Variants in MCTP1 observed in about 807,000 individuals in gnomAD.
MCTP1 encodes multiple C2 and transmembrane domain containing 1, also known as multiple C2 and transmembrane domain-containing protein 1.
A neutral mutation model predicts 120.6 loss-of-function variants in MCTP1; 69 were observed. The ratio of observed to expected loss-of-function variants is 0.57; its 90% CI spans 0.47 to 0.70. The LOEUF is 0.70. Among genes scored for constraint, MCTP1 ranks in the 30% least tolerant of loss-of-function variants. The pLI is 0.00. For synonymous variants in MCTP1, 529 were observed against 493.1 expected (o/e 1.07, Z -0.96); for missense variants, 1,203 against 1,248.8 (o/e 0.96, Z 0.55).
chr5:94,963,495 G>C (rs1824844314), intron 2 of MCTP1, among the ~76,000 whole-genome samples: 1 of 146,796 alleles, frequency 6.8e-6, no homozygotes, highest in Non-Finnish European at 1.5e-5. Flanking sequence ...TTTAATAATA[G>C]CCACCCTAAC....
At chr5:94,889,853 C>T (rs1196712135) in intron 11 of MCTP1, among the ~76,000 whole-genome samples, 1 of 151,718 alleles carries the variant, frequency 6.6e-6, no homozygotes, top group East Asian at 1.9e-4. Flanking sequence ...CATTTAATCC[C>T]ATAAATAATT....
At chr5:95,153,900 T>C (rs1744806444) in intron 1 of MCTP1, among the ~76,000 whole-genome samples, 1 of 152,208 alleles carries the variant, frequency 6.6e-6, no homozygotes, top group African/African-American at 2.4e-5. Context: ...TTGAATGATC[T>C]GTGTTTGTCT....
At chr5:95,278,510 A>C (rs1198429974) in intron 1 of MCTP1, among the ~76,000 whole-genome samples, 1 of 152,302 alleles carries the variant, frequency 6.6e-6, no homozygotes, top group Admixed American at 6.5e-5. Context: ...CACATTAAAC[A>C]AACAAACAAA....
At chr5:94,726,868 T>G (rs1417838940) in intron 19 of MCTP1, among the ~76,000 whole-genome samples, 1 of 152,154 alleles carries the variant, frequency 6.6e-6, no homozygotes, top group Non-Finnish European at 1.5e-5. Context: ...GTACATTGTT[T>G]TAGATATTTA....
At chr5:94,884,294 G>T (rs1390163664) in intron 12 of MCTP1, among the ~76,000 whole-genome samples, 2 of 152,158 alleles carry the variant, frequency 1.3e-5, no homozygotes, top group Non-Finnish European at 2.9e-5. Context: ...CCAGATAAAT[G>T]GCTCAATTAA....
intron 2 of MCTP1, among the ~76,000 whole-genome samples, chr5:94,978,291 G>A (rs1480679737): frequency 6.6e-6 from 1 of 151,848 alleles, no homozygotes; most frequent in African/African-American, 2.4e-5. Flanking sequence ...AAACAATATG[G>A]AGATTTCTAA....
intron 1 of MCTP1, among the ~76,000 whole-genome samples, chr5:95,064,756 T>C (rs1216534333): frequency 1.3e-5 from 2 of 152,208 alleles, no homozygotes; most frequent in Non-Finnish European, 2.9e-5. Context: ...TTCCCTTTGA[T>C]GTAGAATTGA....
At chr5:95,138,233 A>AACCCC (rs1759597277) in intron 1 of MCTP1, among the ~76,000 whole-genome samples, 1 of 142,426 alleles carries the variant, frequency 7.0e-6, no homozygotes. Context: ...GTGAGATGCA[A>AACCCC]CCCCCCCCCG....
At chr5:94,821,006 G>A (rs1356202002) in intron 17 of MCTP1, among the ~76,000 whole-genome samples, 5 of 152,130 alleles carry the variant, frequency 3.3e-5, no homozygotes, top group Admixed American at 6.6e-5. Flanking sequence ...AACACTCCCA[G>A]CACTGTCAAA....
rs181833399 is a variant in MCTP1, at chr5:95,147,056, C to T, written c.721-129572G>A. On this transcript the variant is annotated intron_variant, in intron 1 of 22. Coordinates refer to ENST00000515393, the MANE Select transcript of MCTP1 (RefSeq NM_024717.7). Reference sequence around the variant, plus strand: ...ACTTGTTTTATGAATCTGGGTGCTACGATGTTGGGTGCTTATTTATTTTAT... The same window carrying T: ...ACTTGTTTTATGAATCTGGGTGCTATGATGTTGGGTGCTTATTTATTTTAT... Among the ~76,000 whole-genome samples the T allele has an allele frequency of 1.3e-3, 199 of 151,984 alleles. 1 individual carries two copies. The highest frequency in any genetic ancestry group is 4.3e-3 in the African/African-American group (177 of 41,474).
chr5:94,716,863 G>A (rs570903250), intron 19 of MCTP1, among the ~76,000 whole-genome samples: 1 of 151,910 alleles, frequency 6.6e-6, no homozygotes, highest in Admixed American at 6.6e-5. Context: ...AAGTTTGTTG[G>A]ACAAATAGGT....
chr5:94,717,057 A>G (rs1759651336), intron 19 of MCTP1, among the ~76,000 whole-genome samples: 1 of 152,164 alleles, frequency 6.6e-6, no homozygotes, highest in Non-Finnish European at 1.5e-5. Flanking sequence ...GTTATGTTAA[A>G]TCCTACCTAA....
chr5:95,090,529 A>C (rs1240453406), intron 1 of MCTP1, among the ~76,000 whole-genome samples: 1 of 152,186 alleles, frequency 6.6e-6, no homozygotes, highest in Non-Finnish European at 1.5e-5. Context: ...GCAGGTATGC[A>C]GTGCACAGAT....
intron 1 of MCTP1, among the ~76,000 whole-genome samples, chr5:95,086,181 A>C (rs1255436057): frequency 1.3e-5 from 2 of 152,188 alleles, no homozygotes; most frequent in African/African-American, 4.8e-5. Flanking sequence ...TTGCATATCT[A>C]AAGGGGAACT....
rs1554147609 is a variant in MCTP1, at chr5:94,947,555, A to AATATGTATAT, written c.982-5129_982-5128insATATACATAT. Among the ~76,000 whole-genome samples the AATATGTATAT allele has an allele frequency of 9.6e-4, 38 of 39,504 alleles. 2 individuals carry two copies. The highest frequency in any genetic ancestry group is 3.6e-3 in the Admixed American group (12 of 3,350). 25.9% of individuals were successfully genotyped at this position (39,504 alleles called of 152,430 possible). A position where few individuals can be genotyped will look rare whatever the true frequency, so the allele number is the denominator to read the frequency against. ...AAAATATTTTAGTGTTAGTTTACTA[A>AATATGTATAT]ATATATATATATATATATATATAGA... On this transcript the variant is annotated intron_variant, in intron 3 of 22. Coordinates refer to ENST00000515393, the MANE Select transcript of MCTP1 (RefSeq NM_024717.7).
rs544019364 is a variant in MCTP1, at chr5:95,277,162, G to T, written c.720+6694C>A. Among the ~76,000 whole-genome samples, 14 of 152,222 alleles carry T rather than the reference G, an allele frequency of 9.2e-5. 1 individual carries two copies. Among genetic ancestry groups the T allele is most frequent in the African/African-American group, 2.9e-4 (12 of 41,542 alleles). Reference sequence around the variant, plus strand: ...ATGTCAGAGGCCAGAAAGGAGACTTGGGTGCGAAAAATGGATACCCAGAGT... The same window carrying T: ...ATGTCAGAGGCCAGAAAGGAGACTTTGGTGCGAAAAATGGATACCCAGAGT... On this transcript the variant is annotated intron_variant, in intron 1 of 22. Coordinates refer to ENST00000515393, the MANE Select transcript of MCTP1 (RefSeq NM_024717.7).
intron 1 of MCTP1, among the ~76,000 whole-genome samples, chr5:95,276,298 G>A (rs535017176): frequency 3.6e-4 from 40 of 110,304 alleles, no homozygotes; most frequent in African/African-American, 1.3e-3. Context: ...CACTCTTGTC[G>A]CCCAGGCTGG....
intron 1 of MCTP1, among the ~76,000 whole-genome samples, chr5:95,026,717 C>G (rs967601776): frequency 6.6e-6 from 1 of 152,096 alleles, no homozygotes; most frequent in East Asian, 1.9e-4. Flanking sequence ...CTGGTGTGCT[C>G]TTAGTATTAC....
chr5:95,240,843 T>G (rs1479280715), intron 1 of MCTP1, among the ~76,000 whole-genome samples: 1 of 152,108 alleles, frequency 6.6e-6, no homozygotes. Flanking sequence ...CTTTTCATAC[T>G]TACAGCTTAA....
Sources: gnomAD v4.1 joint callset for allele counts (sites outside exome capture counted in the v4.1 genomes callset) on GRCh38, gnomAD v4.1.1 for gene constraint, MANE v1.5 for transcripts, NCBI Gene and HGNC (gene_info 2026-07-23, HGNC 2026-07-21) for gene names.